Variants in HIBCH observed in about 807,000 individuals in gnomAD.
HIBCH encodes the protein 3-hydroxyisobutyryl-CoA hydrolase, mitochondrial.
In HIBCH, 50 loss-of-function variants were observed where a neutral mutation model predicts 58.2. That is an observed-to-expected ratio of 0.86 (90% CI 0.68 to 1.09). HIBCH has a LOEUF of 1.09. Among genes scored for constraint, HIBCH ranks in the 50% least tolerant of loss-of-function variants. The pLI is 0.00. For missense variants in HIBCH, 450 were observed against 449.7 expected, an observed-to-expected ratio of 1.00 and a Z score of -0.01; for synonymous variants, 151 against 146.9, an observed-to-expected ratio of 1.03 and a Z score of -0.20.
At chr2:190,261,085 C>T in intron 7 of HIBCH, 71 bp downstream of exon 7, 1 of 1,131,104 alleles carries the variant, frequency 8.8e-7, no homozygotes, top group East Asian at 2.4e-5. Context: ...CCTTCAACAA[C>T]AGTAAACTCT....
chr2:190,250,138 A>G (rs992748100), intron 8 of HIBCH: 2 of 313,762 alleles, frequency 6.4e-6, no homozygotes, highest in African/African-American at 4.4e-5. Context: ...CACTTAATCT[A>G]CCCTACACTG....
At chr2:190,193,717 G>T (rs900145091) in intron 1 of HIBCH, among the ~76,000 whole-genome samples, 1 of 151,980 alleles carries the variant, frequency 6.6e-6, no homozygotes, top group Non-Finnish European at 1.5e-5. Context: ...GACTTTTCTT[G>T]ATCAGTCTGT....
At chr2:190,225,685 A>C (rs1685870000) in intron 11 of HIBCH, among the ~76,000 whole-genome samples, 1 of 152,236 alleles carries the variant, frequency 6.6e-6, no homozygotes. Context: ...GAATTCTACC[A>C]GAGGTACAAA....
At chr2:190,239,441 G>A (rs1408891555) in intron 11 of HIBCH, among the ~76,000 whole-genome samples, 4 of 152,194 alleles carry the variant, frequency 2.6e-5, no homozygotes, top group South Asian at 4.2e-4. Context: ...ATTCTCTAGA[G>A]TACACGGGCT....
intron 7 of HIBCH, 43 bp from the exon 8 acceptor site, chr2:190,252,350 GA>G (rs1377029872): frequency 1.3e-6 from 2 of 1,546,490 alleles, no homozygotes; most frequent in East Asian, 4.6e-5. Flanking sequence ...TGATTCAAAT[GA>G]AAAAGATAAA....
chr2:190,251,998 T>G (rs953937210), intron 8 of HIBCH, among the ~76,000 whole-genome samples, 164 bp downstream of exon 8: 5 of 152,158 alleles, frequency 3.3e-5, no homozygotes, highest in Non-Finnish European at 5.9e-5. Context: ...ATTAGAGAGC[T>G]TATGCACTTT....
rs537103770 is a variant in HIBCH at position 190,219,284 on chromosome 2, G to A, written c.892-6209C>T. On this transcript the variant is annotated intron_variant, in intron 11 of 13. Coordinates refer to ENST00000359678, the MANE Select transcript of HIBCH (RefSeq NM_014362.4). The stretch of plus-strand genomic sequence containing the variant: ...AAATGCAGAAATGGAACAAATAGTA[G>A]TAGAAAGAAAAAAAGGAGAGAATTG... Among the ~76,000 whole-genome samples, 67 of 152,144 alleles carry A rather than the reference G, an allele frequency of 4.4e-4. 1 individual carries two copies. The highest frequency in any genetic ancestry group is 4.1e-3 in the East Asian group (21 of 5,184).
intron 1 of HIBCH, among the ~76,000 whole-genome samples, chr2:190,190,376 T>C (rs1162453722): frequency 6.6e-6 from 1 of 152,232 alleles, no homozygotes; most frequent in African/African-American, 2.4e-5. Context: ...GACATACCAA[T>C]AGTTCATCCT....
At chr2:190,232,326 CA>C (rs1686125560) in intron 11 of HIBCH, among the ~76,000 whole-genome samples, 1 of 152,078 alleles carries the variant, frequency 6.6e-6, no homozygotes. Context: ...GAAATATATG[CA>C]AGCATAAGTC....
At position 190,215,992 on chromosome 2, in the gene HIBCH, A is replaced by G; in HGVS notation, c.892-2917T>C. ...GGAAGAAACTGAGTTTGAGGGAAAAAGGAAACAGGGGATGACAGAAAGAGA... is the reference window on the plus strand; with the variant it reads ...GGAAGAAACTGAGTTTGAGGGAAAAGGGAAACAGGGGATGACAGAAAGAGA... On this transcript the variant is annotated intron_variant, in intron 11 of 13. Transcript: ENST00000359678. The surrounding 1 kb of genome is among the most constrained non-coding windows in gnomAD (Gnocchi z 4.4). 1 of 152,672 alleles carries G rather than the reference A, an allele frequency of 6.5e-6. No homozygotes were observed. The highest frequency in any genetic ancestry group is 1.5e-5 in the Non-Finnish European group (1 of 68,334). 9.5% of individuals were successfully genotyped at this position (152,672 alleles called of 1,614,324 possible).
At chr2:190,249,884 G>A (rs535204481) in intron 8 of HIBCH, among the ~76,000 whole-genome samples, 158 bp from the exon 9 acceptor site, 107 of 152,308 alleles carry the variant, frequency 7.0e-4, no homozygotes, top group African/African-American at 2.5e-3. Context: ...TAAGTTGAAT[G>A]AACAGGTATT....
intron 11 of HIBCH, among the ~76,000 whole-genome samples, chr2:190,239,878 G>C (rs1184884811): frequency 6.6e-6 from 1 of 152,102 alleles, no homozygotes; most frequent in East Asian, 1.9e-4. Flanking sequence ...TCGAACTCCT[G>C]AACTTGAGTG....
At chr2:190,233,642 A>G (rs1160668532) in intron 11 of HIBCH, among the ~76,000 whole-genome samples, 1 of 152,218 alleles carries the variant, frequency 6.6e-6, no homozygotes, top group African/African-American at 2.4e-5. Context: ...TACAGAGGAT[A>G]ATATATGCAA....
intron 11 of HIBCH, among the ~76,000 whole-genome samples, chr2:190,232,495 G>A (rs947343444): frequency 1.3e-5 from 2 of 152,184 alleles, no homozygotes; most frequent in African/African-American, 4.8e-5. Context: ...GGAGGTGCAA[G>A]TACCCACTGG....
intron 11 of HIBCH, 88 bp from the exon 12 acceptor site, chr2:190,213,163 T>A: frequency 9.2e-7 from 1 of 1,086,062 alleles, no homozygotes; most frequent in Non-Finnish European, 1.4e-6. Flanking sequence ...TAAATAATAT[T>A]AAAATATGCC....
chr2:190,235,978 C>T (rs1174014810), intron 11 of HIBCH, among the ~76,000 whole-genome samples: 1 of 152,180 alleles, frequency 6.6e-6, no homozygotes, highest in African/African-American at 2.4e-5. Flanking sequence ...TCATACCTAT[C>T]ATATGAAATA....
At chr2:190,264,643 T>C (rs1388700069) in intron 6 of HIBCH, among the ~76,000 whole-genome samples, 1 of 152,232 alleles carries the variant, frequency 6.6e-6, no homozygotes, top group Non-Finnish European at 1.5e-5. Context: ...TTTTTCATTG[T>C]ATAGCACTGT....
At chr2:190,202,660 A>T (rs1690282999), downstream of HIBCH, 1 of 167,098 alleles carries the variant, frequency 6.0e-6, no homozygotes, top group Non-Finnish European at 1.5e-5. Flanking sequence ...GGCAGGAGAC[A>T]TATAAAACAG....
Position 190,290,474 on chromosome 2 carries a change from C to A in HIBCH, c.316G>T (p.Ala106Ser), listed in dbSNP as rs1328466758. The part of the protein sequence containing the change: ...AGGDIRVISE[A>S]EKAKQKIAPV... ...GCTATCTTCTGTTTTGCCTTTTCAG[C>A]TTCCGAGATCACTAGGAAGGAAAGA... Residue 106 changes from alanine to serine, a missense_variant, in exon 5 of 14, where the codon GCT (alanine) becomes TCT (serine). Ala to Ser is a moderately conservative substitution (Grantham distance 99). Transcript: ENST00000359678. 1 of 1,604,806 alleles carries A rather than the reference C, an allele frequency of 6.2e-7. No homozygotes were observed. Among genetic ancestry groups the A allele is most frequent in the Admixed American group, 1.7e-5 (1 of 59,940 alleles).
Sources: gnomAD v4.1 joint callset for allele counts (sites outside exome capture counted in the v4.1 genomes callset) on GRCh38, gnomAD v4.1.1 for gene constraint, Gnocchi (gnomAD v3.1) non-coding constraint, MANE v1.5 for transcripts, NCBI Gene and HGNC (gene_info 2026-07-23, HGNC 2026-07-21) for gene names.